Variants in PRKCA observed in about 807,000 individuals in gnomAD.
PRKCA encodes protein kinase C alpha.
Under a neutral mutation model 87.0 loss-of-function variants are expected in PRKCA, and 27 were observed. That is an observed-to-expected ratio of 0.31 (90% confidence interval 0.23 to 0.43). PRKCA has a LOEUF of 0.43. PRKCA is among the 20% of genes least tolerant of loss of function. The pLI, the probability that PRKCA is intolerant of heterozygous loss-of-function variation, is 1.00. For missense variants in PRKCA, 518 were observed against 852.3 expected, an observed-to-expected ratio of 0.61 and a Z score of 4.88; for synonymous variants, 329 against 311.1, an observed-to-expected ratio of 1.06 and a Z score of -0.61.
At chr17:66,520,059 T>C (rs1234080502) in intron 3 of PRKCA, among the ~76,000 whole-genome samples, 4 of 152,152 alleles carry the variant, frequency 2.6e-5, no homozygotes, top group African/African-American at 9.7e-5. Flanking sequence ...TTGTCTGTTT[T>C]GGCTGAAATG....
intron 2 of PRKCA, among the ~76,000 whole-genome samples, chr17:66,388,355 C>T (rs143922397): frequency 0.017 from 2,501 of 151,510 alleles, 35 homozygotes; most frequent in Non-Finnish European, 0.024. Flanking sequence ...AGTGTAATGG[C>T]GCCATCTCAG....
intron 15 of PRKCA, 91 bp downstream of exon 15, chr17:66,787,065 A>G: frequency 9.8e-7 from 1 of 1,015,520 alleles, no homozygotes; most frequent in Non-Finnish European, 1.6e-6. Context: ...GATGGCAGAA[A>G]CACCACAAAC....
intron 2 of PRKCA, among the ~76,000 whole-genome samples, chr17:66,463,199 C>T (rs565818663): frequency 6.6e-6 from 1 of 152,030 alleles, no homozygotes; most frequent in Non-Finnish European, 1.5e-5. Flanking sequence ...CCATGCCTGT[C>T]GCCCTGTATA....
chr17:66,666,080 A>G (rs763573163), intron 5 of PRKCA, among the ~76,000 whole-genome samples: 4 of 152,222 alleles, frequency 2.6e-5, no homozygotes, highest in Non-Finnish European at 5.9e-5. Flanking sequence ...TGACTTGATG[A>G]GAGCAATCAG....
At chr17:66,511,170 T>G (rs972282478) in intron 3 of PRKCA, among the ~76,000 whole-genome samples, 3 of 152,152 alleles carry the variant, frequency 2.0e-5, no homozygotes, top group African/African-American at 7.2e-5. Flanking sequence ...TCCTCATCCC[T>G]TTTTCAAGGC....
At chr17:66,709,314 T>C (rs961045110) in intron 8 of PRKCA, among the ~76,000 whole-genome samples, 4 of 146,344 alleles carry the variant, frequency 2.7e-5, no homozygotes, top group African/African-American at 1.0e-4. Flanking sequence ...TTTTTTTTTT[T>C]TTTTTTTTTT....
intron 5 of PRKCA, among the ~76,000 whole-genome samples, chr17:66,672,303 G>A (rs1378083677): frequency 2.6e-5 from 4 of 152,074 alleles, no homozygotes; most frequent in Non-Finnish European, 5.9e-5. Flanking sequence ...CTTGAATAAG[G>A]AGTTAAGTCA....
chr17:66,449,094 G>T (rs1439477737), intron 2 of PRKCA, among the ~76,000 whole-genome samples: 3 of 151,800 alleles, frequency 2.0e-5, no homozygotes, highest in Non-Finnish European at 4.4e-5. Context: ...AGATCAGCCT[G>T]GGCAACATAG....
At chr17:66,562,379 T>G (rs532561167) in intron 3 of PRKCA, among the ~76,000 whole-genome samples, 2 of 151,882 alleles carry the variant, frequency 1.3e-5, no homozygotes, top group East Asian at 3.9e-4. Context: ...TGGCAACCAC[T>G]GTGCTGTCCA....
At chr17:66,460,619 C>T (rs1481195949) in intron 2 of PRKCA, among the ~76,000 whole-genome samples, 2 of 152,180 alleles carry the variant, frequency 1.3e-5, no homozygotes, top group Admixed American at 1.3e-4. Context: ...CTTGTCTTGC[C>T]CTCCTAGTTG....
chr17:66,520,956 T>G (rs1238397178), intron 3 of PRKCA, among the ~76,000 whole-genome samples: 1 of 152,140 alleles, frequency 6.6e-6, no homozygotes, highest in Non-Finnish European at 1.5e-5. Flanking sequence ...ATACAATGAT[T>G]TAAAAGTCTC....
chr17:66,449,450 A>G (rs1914202090), intron 2 of PRKCA, among the ~76,000 whole-genome samples: 1 of 152,224 alleles, frequency 6.6e-6, no homozygotes, highest in South Asian at 2.1e-4. Context: ...GCAAATAAGT[A>G]TAACACTGCT....
chr17:66,308,272 C>T (rs1904922305), intron 2 of PRKCA, among the ~76,000 whole-genome samples: 1 of 152,152 alleles, frequency 6.6e-6, no homozygotes, highest in African/African-American at 2.4e-5. Flanking sequence ...AATGGGACTT[C>T]CTCTTCATTT....
chr17:66,377,178 A>G (rs1410794274), intron 2 of PRKCA, among the ~76,000 whole-genome samples: 1 of 152,036 alleles, frequency 6.6e-6, no homozygotes, highest in Non-Finnish European at 1.5e-5. Context: ...GGTGTGTGCC[A>G]CCACGCCCAG....
intron 8 of PRKCA, among the ~76,000 whole-genome samples, chr17:66,701,884 G>A (rs773659600): frequency 1.3e-5 from 2 of 152,086 alleles, no homozygotes; most frequent in Non-Finnish European, 2.9e-5. Flanking sequence ...TGGCATATCA[G>A]TTATGGAGAG....
At chr17:66,727,841 A>G (rs1348735075) in intron 8 of PRKCA, among the ~76,000 whole-genome samples, 1 of 152,150 alleles carries the variant, frequency 6.6e-6, no homozygotes, top group Non-Finnish European at 1.5e-5. Context: ...CTCGCGCTGC[A>G]TCTGATCTTG....
intron 3 of PRKCA, among the ~76,000 whole-genome samples, chr17:66,538,399 G>T (rs186578133): frequency 7.9e-4 from 120 of 152,314 alleles, no homozygotes; most frequent in Non-Finnish European, 1.0e-3. Flanking sequence ...ACTCATCTGC[G>T]TTGGAGAGAT....
At chr17:66,502,413 T>G (rs1443740059) in intron 3 of PRKCA, among the ~76,000 whole-genome samples, 2 of 151,984 alleles carry the variant, frequency 1.3e-5, no homozygotes, top group African/African-American at 4.8e-5. Flanking sequence ...TTTTGTATTT[T>G]TAGTAGAGAC....
At chr17:66,503,634 A>G (rs1357561405) in intron 3 of PRKCA, among the ~76,000 whole-genome samples, 2 of 152,222 alleles carry the variant, frequency 1.3e-5, no homozygotes, top group African/African-American at 4.8e-5. Context: ...GTGGAGGACT[A>G]TATGTCTAGA....
Sources: allele counts gnomAD v4.1 joint callset (sites outside exome capture counted in the v4.1 genomes callset), GRCh38; gene constraint gnomAD v4.1.1; transcripts MANE v1.5; gene names NCBI Gene and HGNC (gene_info 2026-07-23, HGNC 2026-07-21).